The following SPRY3 variants were observed in gnomAD, a reference collection of about 807,000 sequenced individuals.
The protein encoded by SPRY3 is protein sprouty homolog 3.
In SPRY3, 15 loss-of-function variants were observed where a neutral mutation model predicts 20.2. The ratio of observed to expected loss-of-function variants is 0.74; its 90% CI spans 0.50 to 1.14. The LOEUF is 1.14. SPRY3 is among the 50% of genes most tolerant of loss of function. SPRY3 has a pLI of 0.00. For synonymous variants in SPRY3, 143 were observed against 136.5 expected (o/e 1.05, Z -0.33); for missense variants, 364 against 363.9 (o/e 1.00, Z 0.00).
chrX:155,761,394 A>G (rs1243261420), intron 2 of SPRY3, among the ~76,000 whole-genome samples: 15 of 152,004 alleles, frequency 9.9e-5, no homozygotes, highest in Non-Finnish European at 2.1e-4. Flanking sequence ...GTTCTTTTTC[A>G]TGGCTGCATA....
At chrX:155,619,322 TC>T (rs1319581050) in intron 1 of SPRY3, among the ~76,000 whole-genome samples, 27 of 110,826 alleles carry the variant, frequency 2.4e-4, no homozygotes, top group African/African-American at 8.5e-4. Context: ...TGCACATTTG[TC>T]AAAAGTCAGT....
intron 2 of SPRY3, among the ~76,000 whole-genome samples, chrX:155,766,562 C>G (rs1029394696): frequency 2.0e-5 from 3 of 152,134 alleles, no homozygotes; most frequent in Non-Finnish European, 4.4e-5. Context: ...TGCCACTTGT[C>G]CATTGAAATA....
downstream of SPRY3, chrX:155,779,380 C>A (rs1415615163): frequency 6.0e-6 from 1 of 166,964 alleles, no homozygotes; most frequent in African/African-American, 2.4e-5. Flanking sequence ...AACCTACCAC[C>A]TTTAAAGTAA....
chrX:155,622,877 C>G (rs1225421836), intron 1 of SPRY3, among the ~76,000 whole-genome samples: 2 of 112,020 alleles, frequency 1.8e-5, no homozygotes, highest in Admixed American at 9.5e-5. Context: ...TAAGGGGTCT[C>G]AATTAAACCA....
At chrX:155,711,059 T>A in intron 2 of SPRY3, among the ~76,000 whole-genome samples, 1 of 151,834 alleles carries the variant, frequency 6.6e-6, no homozygotes, top group East Asian at 1.9e-4. Flanking sequence ...TGCAACTTGG[T>A]TTGCTAGTAT....
At position 155,755,128 on chromosome X, in the gene SPRY3, A is replaced by T. The variant is rs747867400; in HGVS notation, c.-281-12834A>T. 8.9e-3 allele frequency among the ~76,000 whole-genome samples: 1,355 copies of T among 151,994 alleles called. 14 individuals carry two copies. The highest frequency in any genetic ancestry group is 0.031 in the African/African-American group (1,280 of 41,382). ...AACAGCAGTGGAAAAAATAAGTAAA[A>T]AGTCTAACTGGAGAGTAATGAGATT... is the stretch of plus-strand genomic sequence containing the variant. On this transcript the variant is annotated intron_variant, in intron 2 of 3. Coordinates refer to ENST00000675360, the Ensembl canonical transcript of SPRY3.
chrX:155,715,948 G>A lies in SPRY3; in HGVS notation c.-281-52014G>A, dbSNP rs765735651. Among the ~76,000 whole-genome samples the A allele has an allele frequency of 5.3e-5, 8 of 152,322 alleles. No individual in the cohort carries two copies. The Middle Eastern group carries it at 0.01, about 194-fold the overall frequency. On this transcript the variant is annotated intron_variant, in intron 2 of 3. Transcript: ENST00000675360. Reference sequence around the variant, plus strand: ...ATGGCCACTGCCAGGGGATGGAGGAGGGGTGGCATCAATGATTCAAGACTG... The same window carrying A: ...ATGGCCACTGCCAGGGGATGGAGGAAGGGTGGCATCAATGATTCAAGACTG...
At chrX:155,642,575 T>C (rs782253606) in intron 1 of SPRY3, among the ~76,000 whole-genome samples, 1 of 111,814 alleles carries the variant, frequency 8.9e-6, no homozygotes, top group South Asian at 3.7e-4. Flanking sequence ...TATTAGATTG[T>C]TTATTTGAAA....
chrX:155,725,568 A>T (rs1162755883), intron 2 of SPRY3, among the ~76,000 whole-genome samples: 1 of 152,144 alleles, frequency 6.6e-6, no homozygotes, highest in Non-Finnish European at 1.5e-5. Context: ...GTGTCAAGGA[A>T]TTTATCTATT....
chrX:155,767,726 AGGAGGAG>A (rs2091346338), intron 2 of SPRY3: 1 of 57,930 alleles, frequency 1.7e-5, no homozygotes, highest in South Asian at 9.8e-4. Flanking sequence ...GAGAAAGAGG[AGGAGGAG>A]GAGAGAGAGG....
chrX:155,704,819 A>G (rs1244361172), intron 2 of SPRY3, among the ~76,000 whole-genome samples: 5 of 151,658 alleles, frequency 3.3e-5, no homozygotes, highest in African/African-American at 4.8e-5. Flanking sequence ...ACAGCAGACT[A>G]TTTGTCATAA....
intron 2 of SPRY3, among the ~76,000 whole-genome samples, chrX:155,730,028 C>A (rs1319905953): frequency 1.3e-5 from 2 of 151,964 alleles, no homozygotes; most frequent in African/African-American, 4.8e-5. Flanking sequence ...CCTGAACAGA[C>A]CAGTAGCAAG....
Position 155,722,647 on chromosome X carries a change from CAA to C in SPRY3, c.-281-45312_-281-45311del, listed in dbSNP as rs2091067481. ...CACAAAACAACCAGAAAACAAATAACAAAATGACAGGAGTAAGTCCTTACTTA... is the reference window on the plus strand; with the variant it reads ...CACAAAACAACCAGAAAACAAATAACAATGACAGGAGTAAGTCCTTACTTA... On this transcript the variant is annotated intron_variant, in intron 2 of 3. Coordinates refer to ENST00000675360, the Ensembl canonical transcript of SPRY3. Among the ~76,000 whole-genome samples the C allele has an allele frequency of 5.3e-5, 8 of 151,832 alleles. No individual in the cohort carries two copies. In the South Asian group the frequency reaches 1.7e-3, roughly 32 times the overall value.
chrX:155,672,831 A>C lies in SPRY3; in HGVS notation c.-282+15806A>C, dbSNP rs1243524701. On this transcript the variant is annotated intron_variant, in intron 2 of 3. Coordinates refer to ENST00000675360, the Ensembl canonical transcript of SPRY3. ...GAACCAACCCAAATGTCCAACAATG[A>C]TAGACTGGATTAAGAAAATGTGGCA... Among the ~76,000 whole-genome samples the C allele has an allele frequency of 3.1e-3, 320 of 103,592 alleles. 1 individual carries two copies. Among genetic ancestry groups the C allele is most frequent in the African/African-American group, 0.011 (314 of 28,070 alleles). 90.0% of individuals were successfully genotyped at this position (103,592 alleles called of 115,157 possible). A position where few individuals can be genotyped will look rare whatever the true frequency, so the allele number is the denominator to read the frequency against.
intron 2 of SPRY3, among the ~76,000 whole-genome samples, chrX:155,700,077 T>G (rs1476494548): frequency 9.6e-6 from 1 of 104,588 alleles, no homozygotes; most frequent in Non-Finnish European, 2.0e-5. Flanking sequence ...TAAAACAAAA[T>G]GGTTGTAAAC....
At chrX:155,754,604 G>T (rs1328769602) in intron 2 of SPRY3, among the ~76,000 whole-genome samples, 1 of 151,788 alleles carries the variant, frequency 6.6e-6, no homozygotes, top group Non-Finnish European at 1.5e-5. Flanking sequence ...GAATTTTAGG[G>T]TTCATTCATG....
At chrX:155,726,266 G>C (rs1426308559) in intron 2 of SPRY3, among the ~76,000 whole-genome samples, 1 of 152,132 alleles carries the variant, frequency 6.6e-6, no homozygotes, top group Non-Finnish European at 1.5e-5. Context: ...GAATAACTGC[G>C]ATGTGGTGCT....
In SPRY3 at chrX:155,773,309, TATATATATATATA is replaced by T. The variant is rs2091394306; in HGVS notation, c.-106-456_-106-444del. 9.7e-5 allele frequency among the ~76,000 whole-genome samples: 13 copies of T among 134,142 alleles called. No individual in the cohort carries two copies. The South Asian group carries it at 2.1e-3, about 22-fold the overall frequency. The allele number at this position is 134,142 out of a possible 152,430, so 88.0% of individuals were successfully genotyped here. On this transcript the variant is annotated intron_variant, in intron 3 of 3. Transcript: ENST00000675360. Reference sequence around the variant, plus strand: ...CACTGAAAAGATAATTTTGATTGGATATATATATATATATATATATATATATATATATGAGCAA... The same window carrying T: ...CACTGAAAAGATAATTTTGATTGGATTATATATATATATATATATGAGCAA...
chrX:155,724,339 G>A (rs948977735), intron 2 of SPRY3, among the ~76,000 whole-genome samples: 1 of 152,112 alleles, frequency 6.6e-6, no homozygotes, highest in Non-Finnish European at 1.5e-5. Flanking sequence ...TTGGTAGCTC[G>A]ATGGGGATGG....
Sources: allele counts gnomAD v4.1 joint callset (sites outside exome capture counted in the v4.1 genomes callset), GRCh38; gene constraint gnomAD v4.1.1; transcripts MANE v1.5; gene names NCBI Gene and HGNC (gene_info 2026-07-23, HGNC 2026-07-21).